Variants in NEURL4 observed in about 807,000 individuals in gnomAD.
NEURL4 encodes neuralized E3 ubiquitin protein ligase 4.
In NEURL4, 45 loss-of-function variants were observed where a neutral mutation model predicts 148.0. The ratio of observed to expected loss-of-function variants is 0.30; its 90% CI spans 0.24 to 0.39. NEURL4 has a LOEUF of 0.39. Among genes scored for constraint, NEURL4 ranks in the 10% least tolerant of loss-of-function variants. The probability of loss-of-function intolerance (pLI) is 1.00; values close to 1 mark genes in which losing one functional copy is unlikely to be tolerated. For synonymous variants in NEURL4, 854 were observed against 869.0 expected, an observed-to-expected ratio of 0.98 and a Z score of 0.30; for missense variants, 1,776 against 2,144.0, an observed-to-expected ratio of 0.83 and a Z score of 3.39.
In NEURL4 at chr17:7,319,055, G is replaced by A. The variant is rs200109408; in HGVS notation, c.3679C>T (p.Leu1227Phe). ...LRGRGVFHNGLKICEKFGPNL... is the reference protein window; with the variant it reads ...LRGRGVFHNGFKICEKFGPNL... ...TCTCTCTGGCTCCTACTCACCTTGA[G>A]ACCGTTGTGGAAGACCCCACGGCCC... The change falls in exon 22 of 29, where the codon CTC becomes TTC. Residue 1227 changes from leucine (L) to phenylalanine (F), a missense_variant. By Grantham distance (22) the Leu-to-Phe change is conservative (BLOSUM62 0). Transcript: ENST00000399464. 3.3e-3 allele frequency: 5,394 copies of A among 1,611,134 alleles called. 15 individuals are homozygous for A. The highest frequency in any genetic ancestry group is 4.1e-3 in the South Asian group (369 of 90,856).
rs1005601910 is a variant in NEURL4 at position 7,316,466 on chromosome 17, C to T, written c.4485-139G>A. On this transcript the variant is annotated intron_variant, in intron 28 of 28. Coordinates refer to ENST00000399464, the MANE Select transcript of NEURL4 (RefSeq NM_032442.3). ...TGGGAACTTCGCTCTAGCTGTTCTA[C>T]CTGAAATGCTCTTCCTCCCAAAGCC... 3 of 663,522 alleles carry T rather than the reference C, an allele frequency of 4.5e-6. No individual in the cohort carries two copies. The South Asian group carries it at 5.6e-5, about 12-fold the overall frequency. The allele number at this position is 663,522 out of a possible 1,614,324, so 41.1% of individuals were successfully genotyped here.
chr17:7,317,745 G>A, intron 26 of NEURL4, 43 bp downstream of exon 26: 4 of 1,606,294 alleles, frequency 2.5e-6, no homozygotes, highest in Non-Finnish European at 3.4e-6. Flanking sequence ...GTTTCTCCAG[G>A]GGGAAAACAG....
At chr17:7,316,885 C>T (rs1296688223) in intron 28 of NEURL4, among the ~76,000 whole-genome samples, 1 of 151,912 alleles carries the variant, frequency 6.6e-6, no homozygotes, top group Non-Finnish European at 1.5e-5. Flanking sequence ...CCACTGCACT[C>T]CAGCCTGGGT....
In NEURL4 at chr17:7,318,431, T is replaced by A. The variant is rs574873239; in HGVS notation, c.3864+64A>T. 247 of 1,610,270 alleles carry A rather than the reference T, an allele frequency of 1.5e-4. No homozygotes were observed. Among genetic ancestry groups the A allele is most frequent in the Non-Finnish European group, 2.0e-4 (239 of 1,177,328 alleles). ...GCTGATCCCTCCCTGGAACAGAGAT[T>A]TCCCCTGTCCTGGACAGCGCAGACT... On this transcript the variant is annotated intron_variant, in intron 23 of 28. Coordinates refer to ENST00000399464, the MANE Select transcript of NEURL4 (RefSeq NM_032442.3). The surrounding 1 kb of genome is among the most constrained non-coding windows in gnomAD (Gnocchi z 4.3).
intron 28 of NEURL4, 48 bp from the exon 29 acceptor site, chr17:7,316,375 C>A: frequency 6.8e-7 from 1 of 1,477,970 alleles, no homozygotes; most frequent in South Asian, 1.2e-5. Flanking sequence ...GCCCCATCAC[C>A]TCCCCCTTGC....
rs369930443 is a variant in NEURL4 at position 7,319,700 on chromosome 17, CAAAA to C, written c.3526-496_3526-493del. Reference sequence around the variant, plus strand: ...GGGCGACAAGAGCTAAACTCCGTCTCAAAAAAAACAAAAAAACAAAAAAACAAAA... The same window carrying C: ...GGGCGACAAGAGCTAAACTCCGTCTCAAAACAAAAAAACAAAAAAACAAAA... On this transcript the variant is annotated intron_variant, in intron 21 of 28. Transcript: ENST00000399464. 2.2e-3 allele frequency among the ~76,000 whole-genome samples: 254 copies of C among 118,102 alleles called. 3 individuals are homozygous for C. The highest frequency in any genetic ancestry group is 3.7e-3 in the Non-Finnish European group (210 of 57,314). The allele number at this position is 118,102 out of a possible 152,430, so 77.5% of individuals were successfully genotyped here.
At position 7,327,799 on chromosome 17, in the gene NEURL4, A is replaced by G. The variant is rs1162063874; in HGVS notation, c.368T>C (p.Leu123Pro). The change falls in exon 2 of 29, where the codon CTG (leucine) becomes CCG (proline). Residue 123 changes from leucine to proline, a missense_variant. Leu to Pro is a moderately conservative substitution (Grantham distance 98). Transcript: ENST00000399464. The surrounding 1 kb of genome is among the most constrained non-coding windows in gnomAD (Gnocchi z 6.6). The stretch of plus-strand genomic sequence containing the variant: ...CGACACTACCCACGAGCCCCCCTTC[A>G]GGCCCGTGGCACTGCTTGGAAAGTC... ...VLDFPSSATG[L>P]KGGSWVVSGC... The G allele has an allele frequency of 3.1e-6, 5 of 1,613,916 alleles. No homozygotes were observed. Among genetic ancestry groups the G allele is most frequent in the Non-Finnish European group, 4.2e-6 (5 of 1,179,998 alleles).
In NEURL4 at chr17:7,326,462, T is replaced by C. The variant is rs375778690; in HGVS notation, c.1179A>G (p.Pro393=). ...CTGACTGGAGGTTGGTCATGGTGGCTGGGTACTCCAAACTGTTGGGGTTGT... is the reference window on the plus strand; with the variant it reads ...CTGACTGGAGGTTGGTCATGGTGGCCGGGTACTCCAAACTGTTGGGGTTGT... ...TTHNPNSLEY[P]ATMTNLQSGT... The change falls in exon 5 of 29, where the codon CCA becomes CCG. Residue 393 remains proline, a synonymous_variant. Transcript: ENST00000399464. The surrounding 1 kb of genome is among the most constrained non-coding windows in gnomAD (Gnocchi z 6.0). 6.2e-7 allele frequency: 1 copy of C among 1,614,014 alleles called. No individual in the cohort carries two copies. Among genetic ancestry groups the C allele is most frequent in the Non-Finnish European group, 8.5e-7 (1 of 1,180,014 alleles).
In NEURL4 at chr17:7,321,911, C is replaced by T; in HGVS notation, c.2825G>A (p.Gly942Asp). 6.2e-7 allele frequency: 1 copy of T among 1,614,022 alleles called. No individual in the cohort carries two copies. Among genetic ancestry groups the T allele is most frequent in the Non-Finnish European group, 8.5e-7 (1 of 1,180,004 alleles). ...CAGCTCCTTGGTACTGAAGACAAGG[C>T]CATGAGCATAGCCAGCGGCACGCAC... ...RAVRAAGYAH[G>D]LVFSTKELRA... The change falls in exon 17 of 29, where the codon GGC becomes GAC. Residue 942 changes from glycine to aspartate, a missense_variant. Coordinates refer to ENST00000399464, the MANE Select transcript of NEURL4 (RefSeq NM_032442.3). The surrounding 1 kb of genome is among the most constrained non-coding windows in gnomAD (Gnocchi z 6.3).
At chr17:7,328,222 G>T (rs1485754344) in intron 1 of NEURL4, among the ~76,000 whole-genome samples, 1 of 152,124 alleles carries the variant, frequency 6.6e-6, no homozygotes, top group Non-Finnish European at 1.5e-5. Flanking sequence ...TTGCTCTTGT[G>T]TATCATTCAT....
At position 7,324,774 on chromosome 17, in the gene NEURL4, G is replaced by A. The variant is rs748016174; in HGVS notation, c.1813+25C>T. ...TAGCTTCCCCCCAAAACCCTATCCT[G>A]TCCCTGCCCTTCCTGGGAGCTCACC... On this transcript the variant is annotated intron_variant, in intron 9 of 28. Transcript: ENST00000399464. The surrounding 1 kb of genome is among the most constrained non-coding windows in gnomAD (Gnocchi z 5.9). 1 of 1,613,200 alleles carries A rather than the reference G, an allele frequency of 6.2e-7. No homozygotes were observed. The highest frequency in any genetic ancestry group is 1.3e-5 in the African/African-American group (1 of 75,032).
At chr17:7,328,882 G>T in intron 1 of NEURL4, 149 bp downstream of exon 1, 1 of 656,490 alleles carries the variant, frequency 1.5e-6, no homozygotes, top group Non-Finnish European at 2.4e-6. Flanking sequence ...GCTTCATGCT[G>T]TCTTCCTGAC....
chr17:7,322,084 T>G lies in NEURL4; in HGVS notation c.2726-74A>C. On this transcript the variant is annotated intron_variant, in intron 16 of 28. Transcript: ENST00000399464. The surrounding 1 kb of genome is among the most constrained non-coding windows in gnomAD (Gnocchi z 5.5). The stretch of plus-strand genomic sequence containing the variant: ...TTCAGGCAGAACACAGAGCAAAGCT[T>G]TCAGATGAAACGAAATGGGGATGCC... 1 of 1,501,406 alleles carries G rather than the reference T, an allele frequency of 6.7e-7. No individual in the cohort carries two copies. Among genetic ancestry groups the G allele is most frequent in the Non-Finnish European group, 8.9e-7 (1 of 1,128,338 alleles). 93.0% of individuals were successfully genotyped at this position (1,501,406 alleles called of 1,614,324 possible).
Position 7,325,487 on chromosome 17 carries a change from G to A in NEURL4, c.1367-14C>T, listed in dbSNP as rs2143013227. On this transcript the variant is annotated splice_polypyrimidine_tract_variant and intron_variant, in intron 7 of 28. Coordinates refer to ENST00000399464, the MANE Select transcript of NEURL4 (RefSeq NM_032442.3). ...GGGTTGCCACTCCTGTGGCAGGAAG[G>A]TACGGGGGTGTGGGAGTGGACAGGG... The A allele has an allele frequency of 1.2e-6, 2 of 1,608,446 alleles. No individual in the cohort carries two copies. Among genetic ancestry groups the A allele is most frequent in the East Asian group, 2.2e-5 (1 of 44,878 alleles).
Position 7,317,441 on chromosome 17 carries a change from A to G in NEURL4, c.4318+20T>C, listed in dbSNP as rs753505278. Reference sequence around the variant, plus strand: ...GCCCCCCAGGCTCAGCCCACCTTGCATGGGCCTACTCGCCAGTACCTGCTC... The same window carrying G: ...GCCCCCCAGGCTCAGCCCACCTTGCGTGGGCCTACTCGCCAGTACCTGCTC... On this transcript the variant is annotated intron_variant, in intron 27 of 28. Coordinates refer to ENST00000399464, the MANE Select transcript of NEURL4 (RefSeq NM_032442.3). 4 of 1,613,068 alleles carry G rather than the reference A, an allele frequency of 2.5e-6. No homozygotes were observed. The highest frequency in any genetic ancestry group is 3.3e-5 in the Admixed American group (2 of 60,012).
chr17:7,317,942 A>G lies in NEURL4; in HGVS notation c.4061-10T>C. 10 of 1,614,198 alleles carry G rather than the reference A, an allele frequency of 6.2e-6. No individual in the cohort carries two copies. The highest frequency in any genetic ancestry group is 8.5e-6 in the Non-Finnish European group (10 of 1,180,006). On this transcript the variant is annotated splice_polypyrimidine_tract_variant and intron_variant, in intron 25 of 28. Transcript: ENST00000399464. ...GGCATGAAATAATCTTCTGCGGGAC[A>G]GTGAGTAGCAGGCTTGGTGCTGTGG...
rs1313713500 is a variant in NEURL4 at position 7,317,286 on chromosome 17, G to GGA, written c.4401_4402dup (p.Pro1468LeufsTer99). On this transcript the variant is annotated frameshift_variant, in exon 28 of 29. Transcript: ENST00000399464. LOFTEE classifies it high-confidence loss of function. Reference sequence around the variant, plus strand: ...CACAGGAGGGGGCTGCTCCTCCCGAGGAGGTGCACAGTTCTCGCCAGGCTC... The same window carrying GGA: ...CACAGGAGGGGGCTGCTCCTCCCGAGGAGAGGTGCACAGTTCTCGCCAGGCTC... 6.6e-7 allele frequency: 1 copy of GGA among 1,526,016 alleles called. No individual in the cohort carries two copies. The highest frequency in any genetic ancestry group is 8.8e-7 in the Non-Finnish European group (1 of 1,138,234). 94.5% of individuals were successfully genotyped at this position (1,526,016 alleles called of 1,614,324 possible).
rs762854551 is a variant in NEURL4, at chr17:7,325,346, C to A, written c.1494G>T (p.Leu498=). The change falls in exon 8 of 29, where the codon CTG becomes CTT. Residue 498 remains leucine, a synonymous_variant. Transcript: ENST00000399464. Reference sequence around the variant, plus strand: ...GAGCACCCTCGGGGGACAGCGCCCGCAGGATGGCGTTGTTTCGGCGGAGAC... The same window carrying A: ...GAGCACCCTCGGGGGACAGCGCCCGAAGGATGGCGTTGTTTCGGCGGAGAC... ...SDRLRRNNAI[L]RALSPEGALR... 6 of 1,613,522 alleles carry A rather than the reference C, an allele frequency of 3.7e-6. No homozygotes were observed. The South Asian group carries it at 4.4e-5, about 12-fold the overall frequency.
In NEURL4 at chr17:7,316,345, A is replaced by G. The variant is rs1441405973; in HGVS notation, c.4485-18T>C. ...CCCGGAATCTGTCAGACAAGAAAAA[A>G]TAAGGGAGTGAAGCCTCTCGCCCCA... On this transcript the variant is annotated intron_variant, in intron 28 of 28. Transcript: ENST00000399464. 1 of 1,606,784 alleles carries G rather than the reference A, an allele frequency of 6.2e-7. No individual in the cohort carries two copies. Among genetic ancestry groups the G allele is most frequent in the Admixed American group, 1.7e-5 (1 of 59,942 alleles).
Sources: gnomAD v4.1 joint callset for allele counts (sites outside exome capture counted in the v4.1 genomes callset) on GRCh38, gnomAD v4.1.1 for gene constraint, Gnocchi (gnomAD v3.1) non-coding constraint, MANE v1.5 for transcripts, NCBI Gene and HGNC (gene_info 2026-07-23, HGNC 2026-07-21) for gene names.